The following MUC17 variants were observed in gnomAD, a reference collection of about 807,000 sequenced individuals.
The protein encoded by MUC17 is mucin 17, cell surface associated.
A neutral mutation model predicts 170.3 loss-of-function variants in MUC17; 190 were observed. The observed-to-expected ratio is 1.12, with a 90% CI of 0.99 to 1.26. The LOEUF is 1.26. Among genes scored for constraint, MUC17 ranks in the 50% most tolerant of loss-of-function variants. The probability of loss-of-function intolerance (pLI) is 0.00; values close to 1 mark genes in which losing one functional copy is unlikely to be tolerated. For missense variants in MUC17, 6,415 were observed against 5,530.0 expected, an observed-to-expected ratio of 1.16 and a Z score of -5.08; for synonymous variants, 2,325 against 2,002.5, an observed-to-expected ratio of 1.16 and a Z score of -4.30.
At chr7:101,057,657 ATTGC>A (rs1372229111) in intron 12 of MUC17, among the ~76,000 whole-genome samples, 2 of 152,156 alleles carry the variant, frequency 1.3e-5, no homozygotes, top group Non-Finnish European at 1.5e-5. Context: ...AAGTGGATGG[ATTGC>A]TTGAGCCCAG....
intron 8 of MUC17, 47 bp from the exon 9 acceptor site, chr7:101,051,756 C>T: frequency 6.2e-7 from 1 of 1,606,012 alleles, no homozygotes; most frequent in East Asian, 2.2e-5. Context: ...CAGTGTCCCC[C>T]CAGCCCTCTG....
rs746512921 is a variant in MUC17, at chr7:101,033,564, C to T, written c.2148C>T (p.Ser716=). 2 of 1,613,890 alleles carry T rather than the reference C, an allele frequency of 1.2e-6. No homozygotes were observed. Among genetic ancestry groups the T allele is most frequent in the East Asian group, 2.2e-5 (1 of 44,856 alleles). ...TTTCAACAACTCCTGTTGACACCAG[C>T]ACACCTGTGACCACTTCAACTGAAG... The part of the protein sequence containing the change: ...STLSTTPVDT[S]TPVTTSTEAS... Residue 716 remains serine, a synonymous_variant, in exon 3 of 13, where the codon AGC becomes AGT. Transcript: ENST00000306151.
At position 101,050,638 on chromosome 7, in the gene MUC17, G is replaced by T. The variant is rs1316403405; in HGVS notation, c.12874+3G>T. On this transcript the variant is annotated splice_donor_region_variant and intron_variant, in intron 7 of 12. Transcript: ENST00000306151. The stretch of plus-strand genomic sequence containing the variant: ...AATGATTAATGATATTTGCTCAGGT[G>T]AACTCTGGGCTTCCAGGGAGGGAAG... 1 of 1,612,812 alleles carries T rather than the reference G, an allele frequency of 6.2e-7. No homozygotes were observed. The highest frequency in any genetic ancestry group is 1.3e-5 in the African/African-American group (1 of 74,906).
intron 3 of MUC17, among the ~76,000 whole-genome samples, chr7:101,046,048 C>T (rs563027232): frequency 6.6e-6 from 1 of 152,312 alleles, no homozygotes; most frequent in South Asian, 2.1e-4. Context: ...CAGGTCTGGA[C>T]GTCTTCAGTA....
Position 101,037,229 on chromosome 7 carries a change from T to C in MUC17, c.5813T>C (p.Val1938Ala). 1.9e-6 allele frequency: 3 copies of C among 1,611,358 alleles called. No individual in the cohort carries two copies. The highest frequency in any genetic ancestry group is 1.7e-6 in the Non-Finnish European group (2 of 1,178,382). The change falls in exon 3 of 13, where the codon GTG (valine) becomes GCG (alanine). Residue 1938 changes from valine (V) to alanine (A), a missense_variant. Val to Ala is a moderately conservative substitution (Grantham distance 64, BLOSUM62 0). Coordinates refer to ENST00000306151, the MANE Select transcript of MUC17 (RefSeq NM_001040105.2). ...AGTATACCTGTCAGCACCACAACAG[T>C]GGCCAGTTCTGAAATCAACACCCTT... The part of the protein sequence containing the change: ...LTSIPVSTTT[V>A]ASSEINTLST...
At position 101,036,259 on chromosome 7, in the gene MUC17, A is replaced by G. The variant is rs866680827; in HGVS notation, c.4843A>G (p.Thr1615Ala). The G allele has an allele frequency of 6.2e-7, 1 of 1,613,560 alleles. No homozygotes were observed. Among genetic ancestry groups the G allele is most frequent in the Non-Finnish European group, 8.5e-7 (1 of 1,179,898 alleles). Residue 1615 changes from threonine (T) to alanine (A), a missense_variant, in exon 3 of 13, where the codon ACC becomes GCC. Transcript: ENST00000306151. ...TASTEASSST[T>A]AEGSSMTIST... is the part of the protein sequence containing the mutation. The stretch of plus-strand genomic sequence containing the variant: ...TTCTACTGAAGCCAGTTCATCTACA[A>G]CCGCTGAAGGTAGCAGCATGACAAT...
At chr7:101,056,372 A>ACAGTTT in intron 12 of MUC17, 102 bp downstream of exon 12, 1 of 1,518,966 alleles carries the variant, frequency 6.6e-7, no homozygotes, top group Non-Finnish European at 8.9e-7. Flanking sequence ...AACCATGTTT[A>ACAGTTT]CAGTTTATTG....
At chr7:101,057,083 T>A (rs969356421) in intron 12 of MUC17, among the ~76,000 whole-genome samples, 2 of 152,178 alleles carry the variant, frequency 1.3e-5, no homozygotes, top group Non-Finnish European at 2.9e-5. Flanking sequence ...TTGGAAATAC[T>A]GGAGGTTGGT....
chr7:101,037,692 G>A lies in MUC17; in HGVS notation c.6276G>A (p.Met2092Ile), dbSNP rs757402123. The change falls in exon 3 of 13, where the codon ATG becomes ATA. Residue 2092 changes from methionine to isoleucine, a missense_variant. Met to Ile is a conservative substitution (Grantham distance 10, BLOSUM62 1). Transcript: ENST00000306151. The stretch of plus-strand genomic sequence containing the variant: ...CTGCAACCGCTGAAGGTAGCAGCAT[G>A]ACAATCTCAGCTCCTAGTGAAGGAA... The part of the protein sequence containing the change: ...SSSATAEGSS[M>I]TISAPSEGSP... 2 of 1,612,610 alleles carry A rather than the reference G, an allele frequency of 1.2e-6. No homozygotes were observed. Among genetic ancestry groups the A allele is most frequent in the South Asian group, 2.2e-5 (2 of 90,962 alleles).
At position 101,048,889 on chromosome 7, in the gene MUC17, G is replaced by A; in HGVS notation, c.12580G>A (p.Val4194Met). The change falls in exon 5 of 13, where the codon GTG becomes ATG. Residue 4194 changes from valine (V) to methionine (M), a missense_variant. Val to Met is a conservative substitution (Grantham distance 21). Coordinates refer to ENST00000306151, the MANE Select transcript of MUC17 (RefSeq NM_001040105.2). ...TGCCCAAATGGAACTGACTGTGACA[G>A]TGACCAGTGTGAAGTTCACCGAAGA... Reference protein sequence around the residue: ...ISAQMELTVTVTSVKFTEELK... With the variant: ...ISAQMELTVTMTSVKFTEELK... 1 of 1,614,124 alleles carries A rather than the reference G, an allele frequency of 6.2e-7. No homozygotes were observed. Among genetic ancestry groups the A allele is most frequent in the Non-Finnish European group, 8.5e-7 (1 of 1,180,024 alleles).
intron 1 of MUC17, among the ~76,000 whole-genome samples, chr7:101,022,198 A>G (rs10269181): frequency 0.2 from 26,696 of 133,698 alleles, 3,262 homozygotes; most frequent in African/African-American, 0.36. Context: ...GAGGAGTCTC[A>G]GTCTATCTCC....
At position 101,033,402 on chromosome 7, in the gene MUC17, T is replaced by G. The variant is rs151192830; in HGVS notation, c.1986T>G (p.Thr662=). The G allele has an allele frequency of 2.5e-6, 4 of 1,613,346 alleles. No individual in the cohort carries two copies. The Admixed American group carries it at 6.7e-5, about 27-fold the overall frequency. ...TTGACTCCAACACTCCTGTGACCACTTCAACTGAAGCCACTTCATCTTCTA... is the reference window on the plus strand; with the variant it reads ...TTGACTCCAACACTCCTGTGACCACGTCAACTGAAGCCACTTCATCTTCTA... ...TPVDSNTPVT[T]STEATSSSTT... is the part of the protein sequence containing the mutation. The change falls in exon 3 of 13, where the codon ACT becomes ACG. Residue 662 remains threonine, a synonymous_variant. Coordinates refer to ENST00000306151, the MANE Select transcript of MUC17 (RefSeq NM_001040105.2).
At chr7:101,021,471 A>C (rs1026001923) in intron 1 of MUC17, among the ~76,000 whole-genome samples, 4 of 151,982 alleles carry the variant, frequency 2.6e-5, no homozygotes, top group African/African-American at 9.7e-5. Context: ...TACAGGGGTG[A>C]GCCACCGCTC....
Position 101,041,516 on chromosome 7 carries a change from C to G in MUC17, c.10100C>G (p.Thr3367Ser). ...ASTLSTTPVD[T>S]STPVTTSTEA... Reference sequence around the variant, plus strand: ...ACCCTTTCCACAACTCCTGTTGACACCAGCACACCTGTCACCACTTCTACT... The same window carrying G: ...ACCCTTTCCACAACTCCTGTTGACAGCAGCACACCTGTCACCACTTCTACT... The change falls in exon 3 of 13, where the codon ACC (threonine) becomes AGC (serine). Residue 3367 changes from threonine (T) to serine (S), a missense_variant. Physicochemically the swap from Thr to Ser is moderately conservative, Grantham distance 58 (BLOSUM62 1). Coordinates refer to ENST00000306151, the MANE Select transcript of MUC17 (RefSeq NM_001040105.2). 3 of 1,613,832 alleles carry G rather than the reference C, an allele frequency of 1.9e-6. No individual in the cohort carries two copies. The highest frequency in any genetic ancestry group is 1.7e-6 in the Non-Finnish European group (2 of 1,179,928).
chr7:101,047,764 G>A (rs901973438), intron 3 of MUC17, among the ~76,000 whole-genome samples: 4 of 152,148 alleles, frequency 2.6e-5, no homozygotes, highest in African/African-American at 9.7e-5. Flanking sequence ...CTGGGAGGTG[G>A]AGGTTGCAGT....
At chr7:101,057,796 C>G (rs1015465867) in intron 12 of MUC17, among the ~76,000 whole-genome samples, 23 of 152,134 alleles carry the variant, frequency 1.5e-4, no homozygotes, top group Admixed American at 6.6e-4. Flanking sequence ...GGGAGGATTG[C>G]TTGAGGCCAG....
chr7:101,020,427 G>A (rs1371986019), intron 1 of MUC17, among the ~76,000 whole-genome samples: 4 of 152,154 alleles, frequency 2.6e-5, no homozygotes, highest in African/African-American at 9.7e-5. Flanking sequence ...GCCTCTTCCA[G>A]TTGAGGTCTC....
Position 101,031,658 on chromosome 7 carries a change from T to C in MUC17, c.242T>C (p.Met81Thr). ...TCTACAAATGTCGTGGAGCCAAGAA[T>C]GTATTTGAGTTGCAGCACCAACCCT... is the stretch of plus-strand genomic sequence containing the variant. ...TTSTNVVEPR[M>T]YLSCSTNPEM... The change falls in exon 3 of 13, where the codon ATG becomes ACG. Residue 81 changes from methionine (M) to threonine (T), a missense_variant. Coordinates refer to ENST00000306151, the MANE Select transcript of MUC17 (RefSeq NM_001040105.2). The C allele has an allele frequency of 6.3e-7, 1 of 1,576,244 alleles. No individual in the cohort carries two copies. Among genetic ancestry groups the C allele is most frequent in the Non-Finnish European group, 8.6e-7 (1 of 1,160,622 alleles).
intron 1 of MUC17, among the ~76,000 whole-genome samples, chr7:101,021,396 C>G (rs532647479): frequency 1.1e-4 from 16 of 152,132 alleles, no homozygotes; most frequent in East Asian, 5.8e-4. Flanking sequence ...CCATGTTAAC[C>G]GGGCTGGTCT....
Sources: gnomAD v4.1 joint callset for allele counts (sites outside exome capture counted in the v4.1 genomes callset) on GRCh38, gnomAD v4.1.1 for gene constraint, MANE v1.5 for transcripts, NCBI Gene and HGNC (gene_info 2026-07-23, HGNC 2026-07-21) for gene names.